The following RANBP10 variants were observed in gnomAD, a reference collection of about 807,000 sequenced individuals.
RANBP10 encodes the protein ran-binding protein 10.
In RANBP10, 24 loss-of-function variants were observed where a neutral mutation model predicts 72.8. The observed-to-expected ratio is 0.33, with a 90% CI of 0.24 to 0.46. The LOEUF (loss-of-function observed/expected upper bound fraction) is 0.46. Ranked by LOEUF, RANBP10 falls within the 20% of genes least tolerant of loss-of-function variation. The probability of loss-of-function intolerance (pLI) is 1.00; values close to 1 mark genes in which losing one functional copy is unlikely to be tolerated. For synonymous variants in RANBP10, 310 were observed against 322.3 expected (o/e 0.96, Z 0.41); for missense variants, 679 against 817.5 (o/e 0.83, Z 2.07).
chr16:67,802,714 G>A (rs2055259047), intron 2 of RANBP10, among the ~76,000 whole-genome samples: 1 of 152,172 alleles, frequency 6.6e-6, no homozygotes, highest in Non-Finnish European at 1.5e-5. Flanking sequence ...GTAAAATGCT[G>A]GGAATAGATG....
At chr16:67,789,211 G>A (rs973619851) in intron 2 of RANBP10, among the ~76,000 whole-genome samples, 1 of 150,832 alleles carries the variant, frequency 6.6e-6, no homozygotes, top group African/African-American at 2.5e-5. Context: ...TCAGGAGGCT[G>A]AGGCAGGGGA....
At chr16:67,806,187 G>A (rs1005915084) in intron 1 of RANBP10, 115 bp downstream of exon 1, 2 of 1,035,390 alleles carry the variant, frequency 1.9e-6, no homozygotes, top group South Asian at 3.3e-5. Context: ...AAAGGGCCAA[G>A]CCCTAACTTG....
At chr16:67,789,834 C>T (rs553877177) in intron 2 of RANBP10, among the ~76,000 whole-genome samples, 2 of 151,908 alleles carry the variant, frequency 1.3e-5, no homozygotes, top group South Asian at 4.1e-4. Context: ...CGCAGTGGCT[C>T]ACACCTGTAA....
At chr16:67,744,151 G>A (rs2054023115) in intron 4 of RANBP10, 137 bp downstream of exon 4, 6 of 1,475,958 alleles carry the variant, frequency 4.1e-6, no homozygotes, top group Non-Finnish European at 5.4e-6. Flanking sequence ...TCACCTGAAA[G>A]GGCTCCAATG....
intron 2 of RANBP10, among the ~76,000 whole-genome samples, chr16:67,787,830 G>C (rs1172181871): frequency 2.0e-5 from 3 of 151,900 alleles, no homozygotes; most frequent in Admixed American, 2.0e-4. Flanking sequence ...GCGAGATTCT[G>C]TCTCTAGAAA....
chr16:67,727,713 T>G, intron 12 of RANBP10, 38 bp downstream of exon 12: 1 of 1,613,190 alleles, frequency 6.2e-7, no homozygotes, highest in South Asian at 1.1e-5. Flanking sequence ...CAACACCAAA[T>G]GGGGCCTGCT....
At chr16:67,805,626 T>C in intron 1 of RANBP10, 87 bp from the exon 2 acceptor site, 1 of 1,066,768 alleles carries the variant, frequency 9.4e-7, no homozygotes, top group Non-Finnish European at 1.4e-6. Context: ...CCATGACAAC[T>C]CCACTCCTCT....
At chr16:67,803,615 A>C (rs996356745) in intron 2 of RANBP10, among the ~76,000 whole-genome samples, 3 of 142,668 alleles carry the variant, frequency 2.1e-5, no homozygotes, top group Non-Finnish European at 3.0e-5. Context: ...GCGCCATTGC[A>C]CTCCAGCCTG....
intron 2 of RANBP10, among the ~76,000 whole-genome samples, chr16:67,775,172 T>C (rs1391062630): frequency 6.6e-6 from 1 of 151,692 alleles, no homozygotes; most frequent in African/African-American, 2.4e-5. Flanking sequence ...ATTAGCAGGG[T>C]GTGGTGGCAC....
At position 67,730,082 on chromosome 16, in the gene RANBP10, T is replaced by C; in HGVS notation, c.890-36A>G. The C allele has an allele frequency of 6.3e-7, 1 of 1,585,358 alleles. No individual in the cohort carries two copies. ...CAAGAACACAGCAGTGAGCGAGGGC[T>C]ACAGGCCTCTCCCACAGCCACACAC... On this transcript the variant is annotated intron_variant, in intron 7 of 13. Transcript: ENST00000317506. This position sits in a 1 kb window ranked among gnomAD's most constrained non-coding sequence, Gnocchi z 4.3.
chr16:67,737,157 T>C (rs2053864615), intron 5 of RANBP10, among the ~76,000 whole-genome samples: 1 of 150,698 alleles, frequency 6.6e-6, no homozygotes, highest in African/African-American at 2.5e-5. Context: ...TTTTTTTTTT[T>C]TTTGAACTAA....
intron 3 of RANBP10, among the ~76,000 whole-genome samples, chr16:67,768,187 G>T (rs2054540042): frequency 1.3e-5 from 2 of 151,758 alleles, no homozygotes; most frequent in Admixed American, 1.3e-4. Flanking sequence ...CTCACTTCAA[G>T]ACTAGCCTGG....
chr16:67,740,691 T>A (rs2053952299), intron 4 of RANBP10, among the ~76,000 whole-genome samples: 8 of 152,206 alleles, frequency 5.3e-5, no homozygotes, highest in Admixed American at 5.2e-4. Flanking sequence ...CCTTGGAAGA[T>A]GTATACTACC....
intron 3 of RANBP10, among the ~76,000 whole-genome samples, chr16:67,757,169 T>C (rs540188345): frequency 4.6e-5 from 7 of 152,268 alleles, no homozygotes; most frequent in Non-Finnish European, 1.0e-4. Context: ...GATGGCGCCA[T>C]TGCACTCCAG....
At chr16:67,763,508 G>C (rs1439405756) in intron 3 of RANBP10, 1 of 152,148 alleles carries the variant, frequency 6.6e-6, no homozygotes, top group African/African-American at 2.4e-5. Flanking sequence ...ATCTGCTCAA[G>C]GGCAGGGTGC....
chr16:67,737,986 A>G (rs2053888489), intron 5 of RANBP10, 27 bp downstream of exon 5: 5 of 1,577,376 alleles, frequency 3.2e-6, no homozygotes, highest in African/African-American at 1.3e-5. Flanking sequence ...GAAACCCAGG[A>G]GGGGAAGACT....
chr16:67,730,811 C>A lies in RANBP10; in HGVS notation c.889+661G>T, dbSNP rs146478420. ...AGGGGTAGGCAGGCACTCACAGACA[C>A]GCATATCCACACCCACTTGCCCTCA... On this transcript the variant is annotated intron_variant, in intron 7 of 13. Transcript: ENST00000317506. The surrounding 1 kb of genome is among the most constrained non-coding windows in gnomAD (Gnocchi z 4.3). Among the ~76,000 whole-genome samples the A allele has an allele frequency of 6.6e-6, 1 of 152,136 alleles. No homozygotes were observed. The highest frequency in any genetic ancestry group is 1.5e-5 in the Non-Finnish European group (1 of 68,016).
Position 67,728,508 on chromosome 16 carries a change from G to A in RANBP10, c.1356C>T (p.Asp452=), listed in dbSNP as rs141542923. 2.5e-6 allele frequency: 4 copies of A among 1,614,144 alleles called. No individual in the cohort carries two copies. In the East Asian group the frequency reaches 8.9e-5, roughly 36 times the overall value. The stretch of plus-strand genomic sequence containing the variant: ...GCTCTGCCTCCATCTCCATCTCACT[G>A]TCGCTGTGGGGAGGGGTTGAGGTGG... The part of the protein sequence containing the change: ...HSSTSNQETS[D]SEMEMEAEHY... The change falls in exon 11 of 14, where the codon GAC becomes GAT. Residue 452 remains aspartate, a synonymous_variant. Coordinates refer to ENST00000317506, the MANE Select transcript of RANBP10 (RefSeq NM_020850.3).
chr16:67,765,199 CAAAAAAAAAA>C (rs569942198), intron 3 of RANBP10, among the ~76,000 whole-genome samples: 53 of 11,628 alleles, frequency 4.6e-3, no homozygotes, highest in Admixed American at 5.0e-3. Flanking sequence ...GACTCCATCT[CAAAAAAAAAA>C]AAAAAAAAAA....
Sources: gnomAD v4.1 joint callset for allele counts (sites outside exome capture counted in the v4.1 genomes callset) on GRCh38, gnomAD v4.1.1 for gene constraint, Gnocchi (gnomAD v3.1) non-coding constraint, MANE v1.5 for transcripts, NCBI Gene and HGNC (gene_info 2026-07-23, HGNC 2026-07-21) for gene names.